LDLRAD4: variants seen among roughly 807,000 people sequenced by gnomAD.
LDLRAD4 encodes low density lipoprotein receptor class A domain containing 4.
In LDLRAD4, 5 loss-of-function variants were observed where a neutral mutation model predicts 17.0. The observed-to-expected ratio is 0.29, with a 90% CI of 0.15 to 0.62. LDLRAD4 has a LOEUF of 0.62. Among genes scored for constraint, LDLRAD4 ranks in the 20% least tolerant of loss-of-function variants. LDLRAD4 has a pLI of 0.84. For missense variants in LDLRAD4, 340 were observed against 424.7 expected, an observed-to-expected ratio of 0.80 and a Z score of 1.75; for synonymous variants, 168 against 171.8, an observed-to-expected ratio of 0.98 and a Z score of 0.17.
chr18:13,257,530 G>T (rs1448919923), intron 1 of LDLRAD4, among the ~76,000 whole-genome samples: 2 of 152,214 alleles, frequency 1.3e-5, no homozygotes, highest in African/African-American at 4.8e-5. Flanking sequence ...CTGTGCTCAT[G>T]GGCAGGCGTG....
chr18:13,616,745 A>G (rs991619354), intron 3 of LDLRAD4, among the ~76,000 whole-genome samples: 1 of 152,196 alleles, frequency 6.6e-6, no homozygotes, highest in South Asian at 2.1e-4. Flanking sequence ...TCCTGTGCCC[A>G]GGGCTGAGTG....
intron 3 of LDLRAD4, chr18:13,564,960 T>A (rs1001394513): frequency 6.6e-6 from 1 of 152,308 alleles, no homozygotes; most frequent in African/African-American, 2.4e-5. Context: ...CAGCAGGAAT[T>A]TATAGTCAGA....
At chr18:13,578,961 T>TG (rs1367758127) in intron 3 of LDLRAD4, among the ~76,000 whole-genome samples, 15 of 148,704 alleles carry the variant, frequency 1.0e-4, no homozygotes, top group African/African-American at 3.7e-4. Flanking sequence ...GAGGCTGAGG[T>TG]GGGCAGATCA....
intron 1 of LDLRAD4, among the ~76,000 whole-genome samples, chr18:13,247,027 C>G (rs2042989486): frequency 6.6e-6 from 1 of 151,564 alleles, no homozygotes; most frequent in African/African-American, 2.4e-5. Flanking sequence ...CAAAAAAGAC[C>G]TTGGGTAAAC....
chr18:13,253,636 G>A (rs1006473178), intron 1 of LDLRAD4, among the ~76,000 whole-genome samples: 1 of 152,126 alleles, frequency 6.6e-6, no homozygotes, highest in Admixed American at 6.5e-5. Context: ...AGTGGGGGGA[G>A]GAAGGAATGC....
intron 1 of LDLRAD4, among the ~76,000 whole-genome samples, chr18:13,267,408 C>G (rs2044280733): frequency 6.6e-6 from 1 of 152,236 alleles, no homozygotes; most frequent in East Asian, 1.9e-4. Flanking sequence ...TTAAAACCAG[C>G]ATCACCCGTT....
chr18:13,622,407 A>G lies in LDLRAD4; in HGVS notation c.336+1136A>G, dbSNP rs1007017521. 6.6e-6 allele frequency among the ~76,000 whole-genome samples: 1 copy of G among 152,212 alleles called. No individual in the cohort carries two copies. The highest frequency in any genetic ancestry group is 2.4e-5 in the African/African-American group (1 of 41,446). ...GACCATGGTGAGGGCTAGACGGGGC[A>G]GCCTCGGGGAGGAGATGGGATGCCA... On this transcript the variant is annotated intron_variant, in intron 4 of 5. Coordinates refer to ENST00000359446, the Ensembl canonical transcript of LDLRAD4. This position sits in a 1 kb window ranked among gnomAD's most constrained non-coding sequence, Gnocchi z 5.3.
intron 3 of LDLRAD4, among the ~76,000 whole-genome samples, chr18:13,589,685 G>T (rs886383359): frequency 1.3e-5 from 2 of 152,134 alleles, no homozygotes; most frequent in African/African-American, 4.8e-5. Context: ...GGCCCAGTTT[G>T]CTTGGTAGGG....
At chr18:13,275,542 TAAA>T (rs926308044), upstream of LDLRAD4, among the ~76,000 whole-genome samples, 3 of 152,184 alleles carry the variant, frequency 2.0e-5, no homozygotes, top group African/African-American at 7.2e-5. Context: ...TTGGCTCACT[TAAA>T]AAAATGTTAA....
At chr18:13,576,374 A>G (rs1294366760) in intron 3 of LDLRAD4, among the ~76,000 whole-genome samples, 3 of 145,618 alleles carry the variant, frequency 2.1e-5, no homozygotes, top group Non-Finnish European at 4.5e-5. Flanking sequence ...GTGAGCCGAG[A>G]TTGTGCCACT....
intron 3 of LDLRAD4, among the ~76,000 whole-genome samples, chr18:13,490,935 T>C (rs2093345812): frequency 6.6e-6 from 1 of 152,208 alleles, no homozygotes. Flanking sequence ...CTCTGGACGA[T>C]ATTCTGTATC....
intron 1 of LDLRAD4, among the ~76,000 whole-genome samples, chr18:13,230,869 C>T (rs945063733): frequency 2.0e-5 from 3 of 152,214 alleles, no homozygotes; most frequent in East Asian, 1.9e-4. Flanking sequence ...CCCTCCAGGG[C>T]GAATCCTGAC....
rs1157718015 is a variant in LDLRAD4 at position 13,610,265 on chromosome 18, A to ATTTTTTTTT, written c.182-10820_182-10812dup. On this transcript the variant is annotated intron_variant, in intron 3 of 5. Transcript: ENST00000359446. ...TTCCATGAAGTTCACCAAAGCCCTA[A>ATTTTTTTTT]TTTTTTTTTTTTTTTTTTTTTTTTT... 1.0e-3 allele frequency among the ~76,000 whole-genome samples: 65 copies of ATTTTTTTTT among 62,508 alleles called. 14 individuals are homozygous for ATTTTTTTTT. Among genetic ancestry groups the ATTTTTTTTT allele is most frequent in the Non-Finnish European group, 1.7e-3 (51 of 29,692 alleles). The allele number at this position is 62,508 out of a possible 152,430, so 41.0% of individuals were successfully genotyped here. A position where few individuals can be genotyped will look rare whatever the true frequency, so the allele number is the denominator to read the frequency against.
At chr18:13,469,302 A>G (rs749426782) in intron 3 of LDLRAD4, among the ~76,000 whole-genome samples, 16 of 152,256 alleles carry the variant, frequency 1.1e-4, no homozygotes, top group Non-Finnish European at 1.5e-5. Flanking sequence ...ACAACGATGC[A>G]GCTACTATGG....
intron 3 of LDLRAD4, chr18:13,611,533 C>CG: frequency 1.0e-6 from 1 of 985,234 alleles, no homozygotes; most frequent in Non-Finnish European, 1.2e-6. Context: ...GTTTAGACCT[C>CG]GGGGAAAAGA....
intron 1 of LDLRAD4, among the ~76,000 whole-genome samples, chr18:13,226,327 T>C (rs2145424146): frequency 6.6e-6 from 1 of 151,920 alleles, no homozygotes; most frequent in Admixed American, 6.6e-5. Flanking sequence ...GGCCTGAACA[T>C]TTTTTAAAAC....
In LDLRAD4 at chr18:13,336,810, C is replaced by T. The variant is rs573612271; in HGVS notation, c.-382-50531C>T. On this transcript the variant is annotated intron_variant, in intron 1 of 5. Transcript: ENST00000359446. ...CTTCTGTCTTCCTCCCCCTCTCTCT[C>T]TTTCAAGGCGATTGCCTCATTAAGT... 1.2e-4 allele frequency among the ~76,000 whole-genome samples: 19 copies of T among 152,214 alleles called. 1 individual carries two copies. In the Middle Eastern group the frequency reaches 0.01, roughly 82 times the overall value.
chr18:13,641,104 G>A (rs1434139053), intron 4 of LDLRAD4, among the ~76,000 whole-genome samples: 1 of 152,188 alleles, frequency 6.6e-6, no homozygotes, highest in African/African-American at 2.4e-5. Context: ...AGTCTGATGA[G>A]ATGTCAACAG....
chr18:13,374,570 T>C (rs1423434364), intron 1 of LDLRAD4, among the ~76,000 whole-genome samples: 1 of 152,238 alleles, frequency 6.6e-6, no homozygotes, highest in East Asian at 1.9e-4. Flanking sequence ...CAGGAAGCTC[T>C]GGTCTGGATC....
Sources: gnomAD v4.1 joint callset for allele counts (sites outside exome capture counted in the v4.1 genomes callset) on GRCh38, gnomAD v4.1.1 for gene constraint, Gnocchi (gnomAD v3.1) non-coding constraint, MANE v1.5 for transcripts, NCBI Gene and HGNC (gene_info 2026-07-23, HGNC 2026-07-21) for gene names.